SYNPR: variants seen among roughly 807,000 people sequenced by gnomAD.
The protein encoded by SYNPR is synaptoporin.
Under a neutral mutation model 32.9 loss-of-function variants are expected in SYNPR, and 23 were observed. The observed-to-expected ratio is 0.70, with a 90% CI of 0.50 to 0.99. The LOEUF is 0.99. Among genes scored for constraint, SYNPR ranks in the 50% least tolerant of loss-of-function variants. The pLI is 0.00. For missense variants in SYNPR, 318 were observed against 349.3 expected (o/e 0.91, Z 0.71); for synonymous variants, 146 against 135.9 (o/e 1.07, Z -0.52).
At chr3:63,369,613 A>G (rs1372608517) in intron 2 of SYNPR, among the ~76,000 whole-genome samples, 4 of 152,212 alleles carry the variant, frequency 2.6e-5, no homozygotes, top group Non-Finnish European at 4.4e-5. Flanking sequence ...CCTGGTGTTC[A>G]AGCTTCGTAA....
chr3:63,554,452 T>C (rs1402422273), intron 3 of SYNPR, among the ~76,000 whole-genome samples: 1 of 152,220 alleles, frequency 6.6e-6, no homozygotes, highest in African/African-American at 2.4e-5. Context: ...CCCAGCACCA[T>C]GTACTGAGTA....
intron 2 of SYNPR, among the ~76,000 whole-genome samples, chr3:63,428,826 G>A (rs1699935230): frequency 6.6e-6 from 1 of 152,202 alleles, no homozygotes; most frequent in South Asian, 2.1e-4. Context: ...GGCAGCTTAA[G>A]ACCTAGGCTC....
At chr3:63,437,343 A>G (rs1700101932) in intron 2 of SYNPR, among the ~76,000 whole-genome samples, 1 of 152,164 alleles carries the variant, frequency 6.6e-6, no homozygotes, top group South Asian at 2.1e-4. Flanking sequence ...TTCGTTTACA[A>G]GCGCCCAATT....
At chr3:63,434,375 C>T (rs1479214597) in intron 2 of SYNPR, among the ~76,000 whole-genome samples, 1 of 152,034 alleles carries the variant, frequency 6.6e-6, no homozygotes, top group African/African-American at 2.4e-5. Context: ...ATTTATATAC[C>T]TCAGCATTTT....
intron 2 of SYNPR, among the ~76,000 whole-genome samples, chr3:63,336,624 T>C (rs1201951906): frequency 1.5e-5 from 2 of 134,980 alleles, no homozygotes; most frequent in Non-Finnish European, 3.2e-5. Context: ...GAGACCTGAA[T>C]GTAAAATGCA....
intron 2 of SYNPR, among the ~76,000 whole-genome samples, chr3:63,339,402 A>G (rs2087335194): frequency 6.6e-6 from 1 of 152,210 alleles, no homozygotes; most frequent in Non-Finnish European, 1.5e-5. Context: ...GTTGTAAGAA[A>G]TAATACATTA....
At chr3:63,434,145 T>C (rs1011683765) in intron 2 of SYNPR, among the ~76,000 whole-genome samples, 1 of 152,234 alleles carries the variant, frequency 6.6e-6, no homozygotes, top group Admixed American at 6.5e-5. Flanking sequence ...TCCTCTTTCC[T>C]ACCCACGCCT....
intron 2 of SYNPR, among the ~76,000 whole-genome samples, chr3:63,259,004 C>T (rs1337172934): frequency 4.6e-5 from 7 of 152,082 alleles, no homozygotes; most frequent in African/African-American, 9.6e-5. Flanking sequence ...ACACATACAC[C>T]CTCCCAAGAC....
intron 2 of SYNPR, among the ~76,000 whole-genome samples, chr3:63,266,763 A>G (rs933842177): frequency 6.6e-6 from 1 of 151,650 alleles, no homozygotes; most frequent in African/African-American, 2.4e-5. Context: ...TAGCATCCGC[A>G]TGTGTCTCAC....
the SYNPR span, among the ~76,000 whole-genome samples, chr3:63,223,122 C>T: frequency 6.6e-6 from 1 of 151,988 alleles, no homozygotes; most frequent in East Asian, 1.9e-4. Context: ...GGAGGTTTTA[C>T]TGCTTGGGCC....
intron 2 of SYNPR, among the ~76,000 whole-genome samples, chr3:63,253,760 G>A (rs540429729): frequency 2.1e-3 from 321 of 152,194 alleles, no homozygotes; most frequent in South Asian, 4.6e-3. Context: ...TCAGTGTGGC[G>A]ATTCCTCAGG....
chr3:63,320,001 G>A (rs1051639986), intron 2 of SYNPR, among the ~76,000 whole-genome samples: 1 of 152,008 alleles, frequency 6.6e-6, no homozygotes, highest in Admixed American at 6.6e-5. Flanking sequence ...CCGGGCTGCA[G>A]TGAAATGGTA....
At chr3:63,399,199 G>A (rs1416130847) in intron 2 of SYNPR, among the ~76,000 whole-genome samples, 1 of 152,170 alleles carries the variant, frequency 6.6e-6, no homozygotes, top group Non-Finnish European at 1.5e-5. Context: ...CATCTGATTA[G>A]ATCAGTTTTA....
chr3:63,308,546 T>C (rs2086930588), intron 2 of SYNPR, among the ~76,000 whole-genome samples: 1 of 151,944 alleles, frequency 6.6e-6, no homozygotes, highest in Non-Finnish European at 1.5e-5. Flanking sequence ...AAAAAGTCTA[T>C]GTCATCTTTG....
chr3:63,224,281 G>A (rs2086113336), upstream of SYNPR, among the ~76,000 whole-genome samples: 1 of 152,130 alleles, frequency 6.6e-6, no homozygotes, highest in Non-Finnish European at 1.5e-5. Context: ...AGAGATCTAG[G>A]TTGCAGGCTC....
chr3:63,379,773 G>A (rs955229674), intron 2 of SYNPR, among the ~76,000 whole-genome samples: 1 of 151,860 alleles, frequency 6.6e-6, no homozygotes, highest in Non-Finnish European at 1.5e-5. Flanking sequence ...GTGCCATGTT[G>A]GTGTGCTGCA....
chr3:63,379,321 T>C (rs544794924), intron 2 of SYNPR, among the ~76,000 whole-genome samples: 41 of 152,322 alleles, frequency 2.7e-4, no homozygotes, highest in African/African-American at 8.2e-4. Flanking sequence ...TCCATAATGT[T>C]GATTAGATTC....
intron 2 of SYNPR, among the ~76,000 whole-genome samples, chr3:63,432,127 T>C (rs1269807475): frequency 6.6e-6 from 1 of 152,216 alleles, no homozygotes; most frequent in East Asian, 1.9e-4. Context: ...ATGTTCACAC[T>C]ATCTTCCAGA....
intron 2 of SYNPR, among the ~76,000 whole-genome samples, chr3:63,396,901 G>C (rs992050806): frequency 9.9e-5 from 15 of 152,024 alleles, no homozygotes; most frequent in African/African-American, 3.4e-4. Flanking sequence ...TCAGGAGATC[G>C]AGACCATGCT....
Sources: gnomAD v4.1 joint callset for allele counts (sites outside exome capture counted in the v4.1 genomes callset) on GRCh38, gnomAD v4.1.1 for gene constraint, MANE v1.5 for transcripts, NCBI Gene and HGNC (gene_info 2026-07-23, HGNC 2026-07-21) for gene names.